The following EXD3 variants were observed in gnomAD, a reference collection of about 807,000 sequenced individuals.
EXD3 encodes exonuclease mut-7 homolog.
A neutral mutation model predicts 98.0 loss-of-function variants in EXD3; 92 were observed. That is an observed-to-expected ratio of 0.94 (90% CI 0.79 to 1.12). The LOEUF (loss-of-function observed/expected upper bound fraction) is 1.12. Among genes scored for constraint, EXD3 ranks in the 50% most tolerant of loss-of-function variants. The probability of loss-of-function intolerance (pLI) is 0.00; values close to 1 mark genes in which losing one functional copy is unlikely to be tolerated. For synonymous variants in EXD3, 569 were observed against 526.0 expected, an observed-to-expected ratio of 1.08 and a Z score of -1.12; for missense variants, 1,222 against 1,191.6, an observed-to-expected ratio of 1.03 and a Z score of -0.38.
Position 137,385,010 on chromosome 9 carries a change from T to A in EXD3, c.56-1633A>T, listed in dbSNP as rs1387769202. Among the ~76,000 whole-genome samples the A allele has an allele frequency of 6.6e-6, 1 of 152,102 alleles. No individual in the cohort carries two copies. Among genetic ancestry groups the A allele is most frequent in the Non-Finnish European group, 1.5e-5 (1 of 68,022 alleles). ...GGGAGGCTGAGGCAGGAGAACAGCA[T>A]GAACCCGGGAGGCGGAGGTCGCAGT... On this transcript the variant is annotated intron_variant, in intron 2 of 21. Coordinates refer to ENST00000340951, the MANE Select transcript of EXD3 (RefSeq NM_017820.5). This position sits in a 1 kb window ranked among gnomAD's most constrained non-coding sequence, Gnocchi z 4.4.
At chr9:137,310,404 T>G (rs953905815) in intron 19 of EXD3, among the ~76,000 whole-genome samples, 5 of 152,148 alleles carry the variant, frequency 3.3e-5, no homozygotes, top group African/African-American at 1.2e-4. Flanking sequence ...AATTTTTGTA[T>G]TTTTCGTAGA....
At chr9:137,355,621 G>GGAGGAAGGAGGAAGGGAGGAAGGAGGAA (rs1564508880) in intron 8 of EXD3, among the ~76,000 whole-genome samples, 1 of 3,850 alleles carries the variant, frequency 2.6e-4, no homozygotes, top group African/African-American at 1.6e-3. Flanking sequence ...GAAGGAGGAA[G>GGAGGAAGGAGGAAGGGAGGAAGGAGGAA]GGAGGATGGA....
chr9:137,364,018 G>A (rs939428306), intron 7 of EXD3, among the ~76,000 whole-genome samples: 1 of 152,058 alleles, frequency 6.6e-6, no homozygotes, highest in African/African-American at 2.4e-5. Context: ...TTTATTGAGA[G>A]TTGCAATATG....
In EXD3 at chr9:137,395,250, G is replaced by A. The variant is rs1390948053; in HGVS notation, c.55+53C>T. On this transcript the variant is annotated intron_variant, in intron 2 of 21. Transcript: ENST00000340951. The surrounding 1 kb of genome is among the most constrained non-coding windows in gnomAD (Gnocchi z 6.5). Reference sequence around the variant, plus strand: ...GCCACCACCCCCCATGCACACCCACGCACCTCCCCCCACAGCCCCAGGGAG... The same window carrying A: ...GCCACCACCCCCCATGCACACCCACACACCTCCCCCCACAGCCCCAGGGAG... 2.3e-5 allele frequency: 32 copies of A among 1,361,982 alleles called. No individual in the cohort carries two copies. In the African/African-American group the frequency reaches 3.4e-4, roughly 15 times the overall value. The allele number at this position is 1,361,982 out of a possible 1,614,324, so 84.4% of individuals were successfully genotyped here. A position where few individuals can be genotyped will look rare whatever the true frequency, so the allele number is the denominator to read the frequency against.
intron 17 of EXD3, among the ~76,000 whole-genome samples, chr9:137,343,887 CTTTTTTTTTT>C (rs139561838): frequency 3.3e-5 from 1 of 30,228 alleles, no homozygotes; most frequent in African/African-American, 1.6e-4. Flanking sequence ...CGCGCCCGGC[CTTTTTTTTTT>C]TTTTTTTTTT....
chr9:137,415,515 C>A (rs908676196), intron 1 of EXD3, among the ~76,000 whole-genome samples: 2 of 152,200 alleles, frequency 1.3e-5, no homozygotes, highest in Non-Finnish European at 2.9e-5. Context: ...TTGAAGGACA[C>A]CTTCCCTGTT....
intron 2 of EXD3, among the ~76,000 whole-genome samples, chr9:137,389,077 C>T (rs540472255): frequency 6.6e-6 from 1 of 152,340 alleles, no homozygotes; most frequent in South Asian, 2.1e-4. Flanking sequence ...GAGTCTGTCT[C>T]CTGGTGGCCT....
At position 137,347,257 on chromosome 9, in the gene EXD3, G is replaced by C. The variant is rs139061382; in HGVS notation, c.1998+814C>G. On this transcript the variant is annotated intron_variant, in intron 17 of 21. Coordinates refer to ENST00000340951, the MANE Select transcript of EXD3 (RefSeq NM_017820.5). The surrounding 1 kb of genome is among the most constrained non-coding windows in gnomAD (Gnocchi z 4.2). ...TGAAATCACAGTGTTCGCGACGGCA[G>C]GCTCCTCTTAGGAGACTCCGGGGAA... Among the ~76,000 whole-genome samples, 33 of 152,316 alleles carry C rather than the reference G, an allele frequency of 2.2e-4. No individual in the cohort carries two copies. The East Asian group carries it at 5.4e-3, about 25-fold the overall frequency.
At chr9:137,352,028 C>A in intron 12 of EXD3, 38 bp downstream of exon 12, 1 of 1,576,736 alleles carries the variant, frequency 6.3e-7, no homozygotes, top group Non-Finnish European at 8.6e-7. Context: ...CAGGGGGATC[C>A]CACCACCGGG....
chr9:137,321,939 T>C (rs1321967174), intron 19 of EXD3, among the ~76,000 whole-genome samples: 2 of 151,918 alleles, frequency 1.3e-5, no homozygotes, highest in East Asian at 1.9e-4. Context: ...CAGGTGCCAG[T>C]TGGTGTGGGG....
Position 137,334,933 on chromosome 9 carries a change from C to T in EXD3, c.1999-10790G>A, listed in dbSNP as rs574607177. ...TCTACTAAAAATACAAAAAATGAGC[C>T]GGGCATGGTGGCAGGCGCCTGTAGT... On this transcript the variant is annotated intron_variant, in intron 17 of 21. Transcript: ENST00000340951. Among the ~76,000 whole-genome samples the T allele has an allele frequency of 7.9e-5, 12 of 151,874 alleles. No homozygotes were observed. In the South Asian group the frequency reaches 8.3e-4, roughly 11 times the overall value.
At chr9:137,418,792 A>G (rs1838367217) in intron 1 of EXD3, among the ~76,000 whole-genome samples, 1 of 150,556 alleles carries the variant, frequency 6.6e-6, no homozygotes. Flanking sequence ...GGAAAGAGGG[A>G]GAGACATTCT....
chr9:137,399,685 C>T (rs1002421480), intron 1 of EXD3, among the ~76,000 whole-genome samples: 1 of 152,138 alleles, frequency 6.6e-6, no homozygotes, highest in African/African-American at 2.4e-5. Flanking sequence ...TTCCACATGG[C>T]TGGGGAGGCT....
chr9:137,318,306 G>A (rs1831814927), intron 19 of EXD3, among the ~76,000 whole-genome samples: 2 of 152,114 alleles, frequency 1.3e-5, no homozygotes, highest in South Asian at 4.1e-4. Flanking sequence ...CCCATGAGCT[G>A]GGCCCCGGCT....
intron 1 of EXD3, among the ~76,000 whole-genome samples, chr9:137,399,032 C>T (rs1055455240): frequency 3.9e-5 from 6 of 152,132 alleles, no homozygotes; most frequent in African/African-American, 1.4e-4. Context: ...CACCGACATC[C>T]CCGTGACATA....
At chr9:137,368,037 G>C (rs770813300) in intron 5 of EXD3, 48 bp from the exon 6 acceptor site, 3 of 1,529,818 alleles carry the variant, frequency 2.0e-6, no homozygotes, top group Non-Finnish European at 1.8e-6. Context: ...GGAGGGGCCA[G>C]GCAGCACGGC....
At position 137,409,317 on chromosome 9, in the gene EXD3, C is replaced by T. The variant is rs574554327; in HGVS notation, c.-48+13797G>A. On this transcript the variant is annotated intron_variant, in intron 1 of 21. Transcript: ENST00000340951. ...TCATTCAGAATCCCGCCAGCATGAA[C>T]GCCTCCTCGGATGCTCCCCTCACCC... is the stretch of plus-strand genomic sequence containing the variant. 3.9e-5 allele frequency among the ~76,000 whole-genome samples: 6 copies of T among 152,360 alleles called. No individual in the cohort carries two copies. In the South Asian group the frequency reaches 1.2e-3, roughly 32 times the overall value.
intron 19 of EXD3, among the ~76,000 whole-genome samples, chr9:137,313,647 C>T (rs1011357941): frequency 2.0e-5 from 3 of 152,214 alleles, no homozygotes; most frequent in South Asian, 2.1e-4. Flanking sequence ...AGGTGGGGTC[C>T]GTCGGGCTGG....
At chr9:137,328,822 T>C (rs1287494127) in intron 17 of EXD3, among the ~76,000 whole-genome samples, 7 of 7,548 alleles carry the variant, frequency 9.3e-4, no homozygotes, top group Admixed American at 5.6e-3. Context: ...CTACACAGGG[T>C]CACACGGGAC....
Sources: gnomAD v4.1 joint callset for allele counts (sites outside exome capture counted in the v4.1 genomes callset) on GRCh38, gnomAD v4.1.1 for gene constraint, Gnocchi (gnomAD v3.1) non-coding constraint, MANE v1.5 for transcripts, NCBI Gene and HGNC (gene_info 2026-07-23, HGNC 2026-07-21) for gene names.